Variants in RASSF3 observed in about 807,000 individuals in gnomAD.
RASSF3 encodes the protein ras association domain-containing protein 3.
In RASSF3, 19 loss-of-function variants were observed where a neutral mutation model predicts 19.9. The ratio of observed to expected loss-of-function variants is 0.96; its 90% CI spans 0.67 to 1.40. The LOEUF is 1.40. Ranked by LOEUF, RASSF3 falls within the 40% of genes most tolerant of loss-of-function variation. The pLI is 0.00. For synonymous variants in RASSF3, 110 were observed against 104.2 expected, an observed-to-expected ratio of 1.06 and a Z score of -0.34; for missense variants, 306 against 289.8, an observed-to-expected ratio of 1.06 and a Z score of -0.41.
At chr12:64,656,616 T>C (rs760288263) in intron 1 of RASSF3, among the ~76,000 whole-genome samples, 2 of 152,198 alleles carry the variant, frequency 1.3e-5, no homozygotes, top group Non-Finnish European at 2.9e-5. Flanking sequence ...TGAGTGGCCC[T>C]GACTTTGTGC....
chr12:64,686,341 C>T (rs1258406306), intron 2 of RASSF3, among the ~76,000 whole-genome samples: 2 of 151,848 alleles, frequency 1.3e-5, no homozygotes, highest in Admixed American at 6.6e-5. Flanking sequence ...AAGAGTTCGA[C>T]GGTGGCTCAC....
intron 1 of RASSF3, among the ~76,000 whole-genome samples, chr12:64,611,911 G>T (rs1870379839): frequency 6.6e-6 from 1 of 152,190 alleles, no homozygotes; most frequent in Non-Finnish European, 1.5e-5. Context: ...AAACCAGGAG[G>T]AGGAGAGGAG....
chr12:64,580,577 C>T (rs1291230025), intron 2 of RASSF3, among the ~76,000 whole-genome samples: 2 of 122,280 alleles, frequency 1.6e-5, no homozygotes, highest in Non-Finnish European at 3.3e-5. Flanking sequence ...TTTAGGAAAA[C>T]ACACACACAC....
chr12:64,643,838 C>T (rs1019733521), intron 1 of RASSF3, among the ~76,000 whole-genome samples: 19 of 152,096 alleles, frequency 1.2e-4, no homozygotes, highest in African/African-American at 4.6e-4. Flanking sequence ...TTCACTTTAT[C>T]TCAGAGTTTC....
chr12:64,557,018 G>A (rs962446191), intron 2 of RASSF3, among the ~76,000 whole-genome samples: 1 of 151,848 alleles, frequency 6.6e-6, no homozygotes, highest in Non-Finnish European at 1.5e-5. Flanking sequence ...TGTATTTTTA[G>A]TACAGACGGG....
intron 1 of RASSF3, among the ~76,000 whole-genome samples, chr12:64,623,144 C>G (rs902037764): frequency 5.3e-5 from 8 of 152,114 alleles, no homozygotes; most frequent in Middle Eastern, 3.4e-3. Flanking sequence ...TCTACAAATG[C>G]TTGTTTCGAG....
intron 1 of RASSF3, among the ~76,000 whole-genome samples, chr12:64,626,488 C>CAAAAAAAAAAAAA (rs36122537): frequency 1.3e-5 from 1 of 76,848 alleles, no homozygotes; most frequent in African/African-American, 4.4e-5. Flanking sequence ...ACTCTTGTCT[C>CAAAAAAAAAAAAA]AAAAAAAAAA....
intron 1 of RASSF3, among the ~76,000 whole-genome samples, chr12:64,655,316 G>A (rs1220882373): frequency 6.6e-6 from 1 of 152,186 alleles, no homozygotes; most frequent in African/African-American, 2.4e-5. Context: ...ATAACGAAGT[G>A]TTGTGTAATC....
At chr12:64,540,370 T>A (rs1868915270) in intron 1 of RASSF3, among the ~76,000 whole-genome samples, 1 of 152,228 alleles carries the variant, frequency 6.6e-6, no homozygotes, top group African/African-American at 2.4e-5. Context: ...ATACTTACTT[T>A]GGAAACAGTT....
At chr12:64,591,098 G>C (rs575296141) in intron 2 of RASSF3, among the ~76,000 whole-genome samples, 5 of 152,224 alleles carry the variant, frequency 3.3e-5, no homozygotes, top group African/African-American at 1.2e-4. Flanking sequence ...ACCTGATTTT[G>C]TGTTAAATGA....
intron 1 of RASSF3, among the ~76,000 whole-genome samples, chr12:64,510,716 A>G (rs1365738349): frequency 6.6e-6 from 1 of 152,240 alleles, no homozygotes; most frequent in Non-Finnish European, 1.5e-5. Context: ...ATCTGAATTC[A>G]GTACATATTT....
At chr12:64,537,823 A>G (rs1443270662) in intron 1 of RASSF3, among the ~76,000 whole-genome samples, 1 of 152,164 alleles carries the variant, frequency 6.6e-6, no homozygotes, top group East Asian at 1.9e-4. Context: ...AACAACAGAA[A>G]ATCATCTTCT....
intron 1 of RASSF3, among the ~76,000 whole-genome samples, chr12:64,671,320 G>A (rs891736684): frequency 3.3e-5 from 5 of 152,312 alleles, no homozygotes; most frequent in African/African-American, 1.2e-4. Flanking sequence ...GCAGGGTTCA[G>A]TGAAGTGGGC....
At chr12:64,686,172 C>T (rs1873343196) in intron 2 of RASSF3, among the ~76,000 whole-genome samples, 1 of 151,766 alleles carries the variant, frequency 6.6e-6, no homozygotes, top group African/African-American at 2.4e-5. Flanking sequence ...AGGAGAAATC[C>T]ACTTGCTATG....
intron 1 of RASSF3, chr12:64,622,544 C>A (rs1188707087): frequency 5.8e-6 from 3 of 519,564 alleles, no homozygotes; most frequent in Non-Finnish European, 1.2e-5. Flanking sequence ...AAAGTAATTG[C>A]GGTTTTTGCC....
At chr12:64,585,208 A>T (rs924809560) in intron 2 of RASSF3, among the ~76,000 whole-genome samples, 1 of 152,070 alleles carries the variant, frequency 6.6e-6, no homozygotes, top group Admixed American at 6.6e-5. Context: ...AATGTGAACC[A>T]GATTACATCT....
upstream of RASSF3, among the ~76,000 whole-genome samples, chr12:64,610,358 G>T (rs534629042): frequency 6.7e-6 from 1 of 149,580 alleles, no homozygotes; most frequent in African/African-American, 2.4e-5. Flanking sequence ...GGGCGGGGAG[G>T]GTCGCGGCCG....
At chr12:64,582,910 A>G (rs1869727692) in intron 2 of RASSF3, among the ~76,000 whole-genome samples, 1 of 152,186 alleles carries the variant, frequency 6.6e-6, no homozygotes. Context: ...TCACATGAGC[A>G]GGCTGGAAGT....
At chr12:64,555,059 C>T (rs1434876806) in intron 2 of RASSF3, among the ~76,000 whole-genome samples, 1 of 151,900 alleles carries the variant, frequency 6.6e-6, no homozygotes, top group Non-Finnish European at 1.5e-5. Context: ...GCCTGGCCAA[C>T]ATGGTGAAAC....
Sources: allele counts gnomAD v4.1 joint callset (sites outside exome capture counted in the v4.1 genomes callset), GRCh38; gene constraint gnomAD v4.1.1; transcripts MANE v1.5; gene names NCBI Gene and HGNC (gene_info 2026-07-23, HGNC 2026-07-21).